Variants in MAPK14 observed in about 807,000 individuals in gnomAD.
MAPK14 encodes CSAID-binding protein.
MAPK14 carries 16 observed loss-of-function variants against 49.6 expected under a neutral mutation model. The observed-to-expected ratio is 0.32, with a 90% CI of 0.22 to 0.49. The LOEUF (loss-of-function observed/expected upper bound fraction) is 0.49, where lower values mean the gene tolerates loss of function less well. Among genes scored for constraint, MAPK14 ranks in the 20% least tolerant of loss-of-function variants. The probability of loss-of-function intolerance (pLI) is 0.99; values close to 1 mark genes in which losing one functional copy is unlikely to be tolerated. For synonymous variants in MAPK14, 142 were observed against 158.0 expected (o/e 0.90, Z 0.76); for missense variants, 200 against 441.2 (o/e 0.45, Z 4.90).
chr6:36,099,622 G>A (rs1057268315), intron 9 of MAPK14, among the ~76,000 whole-genome samples: 2 of 152,128 alleles, frequency 1.3e-5, no homozygotes, highest in African/African-American at 2.4e-5. Flanking sequence ...ACCATTTTGT[G>A]TTTGTGGCAA....
chr6:36,071,147 A>G (rs1002526315), intron 3 of MAPK14, among the ~76,000 whole-genome samples: 1 of 152,010 alleles, frequency 6.6e-6, no homozygotes, highest in Non-Finnish European at 1.5e-5. Flanking sequence ...AGCCTGGCCA[A>G]CATGATGAAA....
At chr6:36,064,270 G>GCCCCCCCCC (rs3045917) in intron 3 of MAPK14, among the ~76,000 whole-genome samples, 4 of 124,754 alleles carry the variant, frequency 3.2e-5, no homozygotes, top group Non-Finnish European at 3.4e-5. Flanking sequence ...GAGCCACCAT[G>GCCCCCCCCC]CCCCCCCCCA....
chr6:36,043,804 CTTTTTTTTT>C (rs796534477), intron 1 of MAPK14, among the ~76,000 whole-genome samples: 2 of 90,394 alleles, frequency 2.2e-5, no homozygotes, highest in African/African-American at 4.5e-5. Flanking sequence ...CTTTTTCTTT[CTTTTTTTTT>C]TTTTTTTTTT....
At chr6:36,059,399 A>G in intron 3 of MAPK14, 52 bp downstream of exon 3, 1 of 1,245,662 alleles carries the variant, frequency 8.0e-7, no homozygotes, top group Non-Finnish European at 1.2e-6. Context: ...GAAGACTAAT[A>G]GCCCATTTCT....
intron 1 of MAPK14, among the ~76,000 whole-genome samples, chr6:36,037,101 T>C (rs543821573): frequency 6.6e-6 from 1 of 152,324 alleles, no homozygotes; most frequent in Non-Finnish European, 1.5e-5. Context: ...ATACTGCTAG[T>C]GCATACTTAA....
chr6:36,069,957 C>T (rs187698653), intron 3 of MAPK14, among the ~76,000 whole-genome samples: 1 of 152,184 alleles, frequency 6.6e-6, no homozygotes. Flanking sequence ...AAGAATAACC[C>T]TCTTATTATC....
chr6:36,093,720 C>CAAAAA (rs11343231), intron 8 of MAPK14, among the ~76,000 whole-genome samples: 24 of 83,130 alleles, frequency 2.9e-4, no homozygotes, highest in Non-Finnish European at 3.2e-4. Context: ...GACTCCGTCT[C>CAAAAA]AAAAAAAAAA....
At chr6:36,093,073 A>G (rs1765301521) in intron 8 of MAPK14, among the ~76,000 whole-genome samples, 1 of 152,210 alleles carries the variant, frequency 6.6e-6, no homozygotes, top group South Asian at 2.1e-4. Flanking sequence ...TTCAAAGTGT[A>G]AATAGGAATA....
At chr6:36,055,285 ATTGTT>A (rs1763551483) in intron 2 of MAPK14, among the ~76,000 whole-genome samples, 2 of 152,206 alleles carry the variant, frequency 1.3e-5, no homozygotes, top group Non-Finnish European at 2.9e-5. Context: ...GATCAAGGAA[ATTGTT>A]TTGTAAATTT....
At chr6:36,061,131 G>C (rs1763805302) in intron 3 of MAPK14, among the ~76,000 whole-genome samples, 1 of 152,166 alleles carries the variant, frequency 6.6e-6, no homozygotes, top group Admixed American at 6.5e-5. Context: ...TAGAAGAAAT[G>C]CTGAAGTAAT....
At chr6:36,096,984 C>T (rs893693504) in intron 9 of MAPK14, 1 of 152,220 alleles carries the variant, frequency 6.6e-6, no homozygotes, top group African/African-American at 2.4e-5. Flanking sequence ...TCCAGTTATG[C>T]CTTCCTGGAT....
At chr6:36,057,750 G>A (rs1451157768) in intron 2 of MAPK14, among the ~76,000 whole-genome samples, 1 of 152,086 alleles carries the variant, frequency 6.6e-6, no homozygotes, top group Admixed American at 6.6e-5. Context: ...ATATTTGGAT[G>A]AGTGGAGTAA....
rs2127385349 is a variant in MAPK14, at chr6:36,028,379, C to T, written c.116+106C>T. The T allele has an allele frequency of 2.6e-6, 2 of 777,384 alleles. No individual in the cohort carries two copies. The highest frequency in any genetic ancestry group is 5.5e-5 in the East Asian group (2 of 36,290). 48.2% of individuals were successfully genotyped at this position (777,384 alleles called of 1,614,324 possible). On this transcript the variant is annotated intron_variant, in intron 1 of 11. Transcript: ENST00000229794. This position sits in a 1 kb window ranked among gnomAD's most constrained non-coding sequence, Gnocchi z 5.1. ...GTTGCGTCAAGTGGCAGGAATTTTC[C>T]TCGGGGGAGGGCATTGCTGCCCCTT...
rs545686259 is a variant in MAPK14 at position 36,076,057 on chromosome 6, T to C, written c.610+95T>C. 5 of 1,278,662 alleles carry C rather than the reference T, an allele frequency of 3.9e-6. No homozygotes were observed. The South Asian group carries it at 6.4e-5, about 16-fold the overall frequency. The allele number at this position is 1,278,662 out of a possible 1,614,324, so 79.2% of individuals were successfully genotyped here. ...TAGAGATGGTGGGAGTGGGAAGAAATGTCTTTTCTTCCCTCAGTGATCCTT... is the reference window on the plus strand; with the variant it reads ...TAGAGATGGTGGGAGTGGGAAGAAACGTCTTTTCTTCCCTCAGTGATCCTT... On this transcript the variant is annotated intron_variant, in intron 7 of 11. Coordinates refer to ENST00000229794, the MANE Select transcript of MAPK14 (RefSeq NM_139012.3).
intron 1 of MAPK14, among the ~76,000 whole-genome samples, chr6:36,042,376 A>G (rs973483861): frequency 2.0e-5 from 3 of 152,176 alleles, no homozygotes; most frequent in Admixed American, 6.5e-5. Context: ...AAAGTCTGGT[A>G]AATTTATGTG....
intron 9 of MAPK14, among the ~76,000 whole-genome samples, chr6:36,101,646 T>G (rs1205587367): frequency 6.6e-6 from 1 of 152,084 alleles, no homozygotes; most frequent in African/African-American, 2.4e-5. Flanking sequence ...CCCAAGTAGC[T>G]GGGACCACAG....
chr6:36,092,259 G>C (rs1274244860), intron 8 of MAPK14: 2 of 573,732 alleles, frequency 3.5e-6, no homozygotes, highest in African/African-American at 3.8e-5. Context: ...GGTCCATATA[G>C]ACCACTGGAG....
the MAPK14 span, among the ~76,000 whole-genome samples, chr6:36,118,740 G>A: frequency 6.6e-6 from 1 of 152,340 alleles, no homozygotes; most frequent in East Asian, 1.9e-4. Flanking sequence ...CAGTGAGACA[G>A]GCAATGACTA....
At chr6:36,082,518 A>G (rs1369056595) in intron 8 of MAPK14, among the ~76,000 whole-genome samples, 1 of 152,248 alleles carries the variant, frequency 6.6e-6, no homozygotes, top group Non-Finnish European at 1.5e-5. Context: ...TTGTGCCAGC[A>G]TCTGTTTCTG....
Sources: allele counts gnomAD v4.1 joint callset (sites outside exome capture counted in the v4.1 genomes callset), GRCh38; gene constraint gnomAD v4.1.1; non-coding constraint Gnocchi (gnomAD v3.1); transcripts MANE v1.5; gene names NCBI Gene and HGNC (gene_info 2026-07-23, HGNC 2026-07-21).